The following ABI3BP variants were observed in gnomAD, a reference collection of about 807,000 sequenced individuals.
The protein encoded by ABI3BP is ABI family member 3 binding protein.
In ABI3BP, 216 loss-of-function variants were observed where a neutral mutation model predicts 268.6. The ratio of observed to expected loss-of-function variants is 0.80; its 90% CI spans 0.72 to 0.90. ABI3BP has a LOEUF of 0.90. Among genes scored for constraint, ABI3BP ranks in the 40% least tolerant of loss-of-function variants. The pLI, the probability that ABI3BP is intolerant of heterozygous loss-of-function variation, is 0.00. For missense variants in ABI3BP, 2,090 were observed against 2,182.4 expected (o/e 0.96, Z 0.84); for synonymous variants, 730 against 730.0 (o/e 1.00, Z 0.00).
At chr3:100,761,305 C>T (rs1442705606) in intron 63 of ABI3BP, among the ~76,000 whole-genome samples, 3 of 152,132 alleles carry the variant, frequency 2.0e-5, no homozygotes, top group Non-Finnish European at 2.9e-5. Context: ...GTTAACATCT[C>T]TTTTGCATCA....
At chr3:100,767,861 A>G (rs1166611923) in intron 62 of ABI3BP, among the ~76,000 whole-genome samples, 2 of 152,128 alleles carry the variant, frequency 1.3e-5, no homozygotes, top group African/African-American at 2.4e-5. Context: ...TATGACTAGA[A>G]AAATTTTAAG....
chr3:100,902,406 T>C (rs977495316), intron 3 of ABI3BP, among the ~76,000 whole-genome samples: 1 of 152,142 alleles, frequency 6.6e-6, no homozygotes, highest in Non-Finnish European at 1.5e-5. Context: ...TCCCTGCAGT[T>C]TGCAAGTGGT....
intron 50 of ABI3BP, among the ~76,000 whole-genome samples, chr3:100,806,759 G>A (rs1402075654): frequency 2.6e-5 from 4 of 152,206 alleles, no homozygotes; most frequent in South Asian, 4.1e-4. Context: ...TTCAGAGTTA[G>A]AGAGTGGAAC....
chr3:100,953,760 T>C (rs2075920589), intron 1 of ABI3BP, among the ~76,000 whole-genome samples: 1 of 152,100 alleles, frequency 6.6e-6, no homozygotes, highest in Non-Finnish European at 1.5e-5. Context: ...CAGCTTAGCT[T>C]TGAAAATAAG....
At chr3:100,922,404 A>C (rs924887955) in intron 2 of ABI3BP, among the ~76,000 whole-genome samples, 1 of 152,090 alleles carries the variant, frequency 6.6e-6, no homozygotes, top group Non-Finnish European at 1.5e-5. Context: ...TACAATTGCT[A>C]ATCAGCTGAT....
At chr3:100,819,288 C>A (rs1016883868) in intron 40 of ABI3BP, among the ~76,000 whole-genome samples, 4 of 152,206 alleles carry the variant, frequency 2.6e-5, no homozygotes, top group African/African-American at 9.6e-5. Flanking sequence ...TCTACTCTTC[C>A]TGTCTGACTC....
rs139500110 is a variant in ABI3BP at position 100,912,736 on chromosome 3, C to T, written c.260-10050G>A. ...GTACCGCATTTCATCAACACTAAGC[C>T]TGAGTAACGTATACCTGAAAAACAC... is the stretch of plus-strand genomic sequence containing the variant. On this transcript the variant is annotated intron_variant, in intron 2 of 67. Transcript: ENST00000471714. Among the ~76,000 whole-genome samples, 646 of 152,276 alleles carry T rather than the reference C, an allele frequency of 4.2e-3. 4 individuals are homozygous for T. The highest frequency in any genetic ancestry group is 0.014 in the African/African-American group (600 of 41,558).
rs59374249 is a variant in ABI3BP, at chr3:100,776,002, T to C, written c.4334-667A>G. ...ATGGCTACAGAAGAAGGAAAAAGAT[T>C]CCTAGGGTTAATGTCCATGATTCTG... On this transcript the variant is annotated intron_variant, in intron 59 of 67. Transcript: ENST00000471714. Among the ~76,000 whole-genome samples, 1,294 of 152,218 alleles carry C rather than the reference T, an allele frequency of 8.5e-3. 15 individuals are homozygous for C. The highest frequency in any genetic ancestry group is 0.019 in the African/African-American group (772 of 41,540).
chr3:100,781,157 C>T lies in ABI3BP; in HGVS notation c.4163-948G>A, dbSNP rs572713810. ...ATTTACATTAATATACTAGTTAGTA[C>T]ATTAACAATGACAACAACCCTGTTT... On this transcript the variant is annotated intron_variant, in intron 57 of 67. Coordinates refer to ENST00000471714, the MANE Select transcript of ABI3BP (RefSeq NM_001375547.2). 3.3e-5 allele frequency among the ~76,000 whole-genome samples: 5 copies of T among 152,226 alleles called. No individual in the cohort carries two copies. In the East Asian group the frequency reaches 9.7e-4, roughly 29 times the overall value.
At chr3:100,983,234 T>C (rs988010075) in intron 1 of ABI3BP, among the ~76,000 whole-genome samples, 1 of 152,184 alleles carries the variant, frequency 6.6e-6, no homozygotes. Context: ...AGAGAGAACT[T>C]CCATTACATT....
At position 100,820,201 on chromosome 3, in the gene ABI3BP, A is replaced by G. The variant is rs143818201; in HGVS notation, c.3031+19T>C. ...AGAGCAGCTAGGATGAGCTACTTTAACCAGAAACCCAAATTTACCCAGTTT... is the reference window on the plus strand; with the variant it reads ...AGAGCAGCTAGGATGAGCTACTTTAGCCAGAAACCCAAATTTACCCAGTTT... On this transcript the variant is annotated intron_variant, in intron 40 of 67. Coordinates refer to ENST00000471714, the MANE Select transcript of ABI3BP (RefSeq NM_001375547.2). 7,536 of 1,531,108 alleles carry G rather than the reference A, an allele frequency of 4.9e-3. 34 individuals carry two copies. Among genetic ancestry groups the G allele is most frequent in the Non-Finnish European group, 5.6e-3 (6,444 of 1,142,518 alleles). 94.8% of individuals were successfully genotyped at this position (1,531,108 alleles called of 1,614,324 possible).
At chr3:100,846,111 T>A (rs2098764469) in intron 20 of ABI3BP, among the ~76,000 whole-genome samples, 1 of 152,184 alleles carries the variant, frequency 6.6e-6, no homozygotes, top group South Asian at 2.1e-4. Context: ...TATTTTGCAG[T>A]AGTAGACAAG....
chr3:100,811,176 G>T, intron 48 of ABI3BP, 54 bp downstream of exon 48: 1 of 1,420,626 alleles, frequency 7.0e-7, no homozygotes, highest in Non-Finnish European at 9.5e-7. Flanking sequence ...GTTCTCAGGC[G>T]ATGGTGGCAA....
At chr3:100,913,555 T>C (rs1027439190) in intron 2 of ABI3BP, among the ~76,000 whole-genome samples, 2 of 152,154 alleles carry the variant, frequency 1.3e-5, no homozygotes, top group Admixed American at 1.3e-4. Flanking sequence ...ATGTGCTAAG[T>C]TGTAGCTTTG....
intron 1 of ABI3BP, among the ~76,000 whole-genome samples, chr3:100,941,728 A>T (rs1346014177): frequency 6.6e-6 from 1 of 152,152 alleles, no homozygotes; most frequent in African/African-American, 2.4e-5. Flanking sequence ...TTACCAAAGG[A>T]GCAGTAACTA....
intron 1 of ABI3BP, 22 bp downstream of exon 1, chr3:100,993,284 C>A: frequency 6.8e-7 from 1 of 1,475,116 alleles, no homozygotes; most frequent in Non-Finnish European, 9.3e-7. Flanking sequence ...ATTTTTAAAA[C>A]ATAAAACATC....
chr3:100,926,255 C>A (rs778258881), intron 2 of ABI3BP, 47 bp downstream of exon 2: 48 of 1,588,774 alleles, frequency 3.0e-5, no homozygotes, highest in Admixed American at 1.0e-4. Flanking sequence ...TACACCCCCC[C>A]ACCTCTTACC....
chr3:100,837,266 C>A, intron 26 of ABI3BP, 95 bp from the exon 27 acceptor site: 1 of 885,968 alleles, frequency 1.1e-6, no homozygotes, highest in Non-Finnish European at 1.6e-6. Flanking sequence ...GACACAGAGT[C>A]TAGTTTATTC....
At chr3:100,791,902 C>T (rs1304815726) in intron 55 of ABI3BP, among the ~76,000 whole-genome samples, 1 of 151,818 alleles carries the variant, frequency 6.6e-6, no homozygotes, top group African/African-American at 2.4e-5. Context: ...CTTTCCCCCT[C>T]AAATTAGAAC....
Sources: gnomAD v4.1 joint callset for allele counts (sites outside exome capture counted in the v4.1 genomes callset) on GRCh38, gnomAD v4.1.1 for gene constraint, MANE v1.5 for transcripts, NCBI Gene and HGNC (gene_info 2026-07-23, HGNC 2026-07-21) for gene names.